Variants in AGAP1 observed in about 807,000 individuals in gnomAD.
AGAP1 encodes the protein arf-GAP with GTPase, ANK repeat and PH domain-containing protein 1.
A neutral mutation model predicts 105.3 loss-of-function variants in AGAP1; 29 were observed. That is an observed-to-expected ratio of 0.28 (90% confidence interval 0.21 to 0.38). The LOEUF is 0.38. Ranked by LOEUF, AGAP1 falls within the 10% of genes least tolerant of loss-of-function variation. AGAP1 has a pLI of 1.00. For synonymous variants in AGAP1, 509 were observed against 485.9 expected (o/e 1.05, Z -0.63); for missense variants, 998 against 1,165.1 (o/e 0.86, Z 2.09).
chr2:235,863,112 T>C (rs188326030), intron 9 of AGAP1, among the ~76,000 whole-genome samples: 52 of 152,354 alleles, frequency 3.4e-4, no homozygotes, highest in Non-Finnish European at 6.5e-4. Context: ...ATTCATCAAA[T>C]ACTTTTTGAA....
rs547107446 is a variant in AGAP1, at chr2:236,056,905, G to A, written c.2114+7624G>A. ...TTTCTGCCAAATCCACGTCAGTAGC[G>A]GCATTGGGAGAACCGCCATGTTTAG... On this transcript the variant is annotated intron_variant, in intron 16 of 17. Transcript: ENST00000304032. The surrounding 1 kb of genome is among the most constrained non-coding windows in gnomAD (Gnocchi z 4.6). Among the ~76,000 whole-genome samples, 48 of 152,250 alleles carry A rather than the reference G, an allele frequency of 3.2e-4. No individual in the cohort carries two copies. The highest frequency in any genetic ancestry group is 1.1e-3 in the Admixed American group (17 of 15,294).
chr2:236,111,950 C>T lies in AGAP1; in HGVS notation c.2115-8242C>T, dbSNP rs201471662. Among the ~76,000 whole-genome samples, 21 of 152,302 alleles carry T rather than the reference C, an allele frequency of 1.4e-4. No individual in the cohort carries two copies. In the East Asian group the frequency reaches 2.3e-3, roughly 17 times the overall value. ...ATTGGAGTCATCGGCAGTGTTGTCA[C>T]GCGACTGGTCTTGCTCAGGTGCATT... On this transcript the variant is annotated intron_variant, in intron 16 of 17. Transcript: ENST00000304032.
At chr2:235,803,844 A>T (rs1015938147) in intron 8 of AGAP1, among the ~76,000 whole-genome samples, 6 of 152,250 alleles carry the variant, frequency 3.9e-5, no homozygotes, top group Non-Finnish European at 8.8e-5. Flanking sequence ...ACACTGAGTT[A>T]TATTTTATTT....
At chr2:235,548,343 G>T (rs1943695244) in intron 1 of AGAP1, among the ~76,000 whole-genome samples, 1 of 152,100 alleles carries the variant, frequency 6.6e-6, no homozygotes, top group African/African-American at 2.4e-5. Context: ...ATTTCTTTCA[G>T]CACTCTCCAA....
chr2:235,570,681 G>T (rs930411964), intron 1 of AGAP1, among the ~76,000 whole-genome samples: 35 of 152,304 alleles, frequency 2.3e-4, no homozygotes, highest in South Asian at 6.2e-4. Context: ...GTTTCTCTGG[G>T]TGTCCCAAGA....
At position 235,549,742 on chromosome 2, in the gene AGAP1, G is replaced by A. The variant is rs185837226; in HGVS notation, c.163+54893G>A. On this transcript the variant is annotated intron_variant, in intron 1 of 17. Transcript: ENST00000304032. This position sits in a 1 kb window ranked among gnomAD's most constrained non-coding sequence, Gnocchi z 4.2. ...CATTTAAGAGTGCTCTTAGCAGTTC[G>A]CGTTCTATATAGAACTGTTTACACC... Among the ~76,000 whole-genome samples the A allele has an allele frequency of 1.3e-5, 2 of 152,126 alleles. No individual in the cohort carries two copies. The highest frequency in any genetic ancestry group is 4.8e-5 in the African/African-American group (2 of 41,420).
rs937055736 is a variant in AGAP1 at position 236,000,252 on chromosome 2, C to T, written c.1645+31629C>T. Among the ~76,000 whole-genome samples the T allele has an allele frequency of 2.0e-5, 3 of 152,110 alleles. No homozygotes were observed. Among genetic ancestry groups the T allele is most frequent in the African/African-American group, 4.8e-5 (2 of 41,420 alleles). On this transcript the variant is annotated intron_variant, in intron 13 of 17. Coordinates refer to ENST00000304032, the MANE Select transcript of AGAP1 (RefSeq NM_001037131.3). This position sits in a 1 kb window ranked among gnomAD's most constrained non-coding sequence, Gnocchi z 4.3. Reference sequence around the variant, plus strand: ...AGGTTCTTAAAACTTCGACTTGAAGCGAAAGGACTTATAATGAAGCCAGTT... The same window carrying T: ...AGGTTCTTAAAACTTCGACTTGAAGTGAAAGGACTTATAATGAAGCCAGTT...
chr2:235,801,818 C>T lies in AGAP1; in HGVS notation c.957+2296C>T, dbSNP rs112314583. Among the ~76,000 whole-genome samples the T allele has an allele frequency of 1.2e-4, 18 of 152,226 alleles. No individual in the cohort carries two copies. The highest frequency in any genetic ancestry group is 2.4e-4 in the African/African-American group (10 of 41,532). On this transcript the variant is annotated intron_variant, in intron 8 of 17. Transcript: ENST00000304032. The surrounding 1 kb of genome is among the most constrained non-coding windows in gnomAD (Gnocchi z 6.0). ...AAGGGGGAGAGCACTCATTCTCAGACGCCTTCTGAGGGCCACATTTTCTGC... is the reference window on the plus strand; with the variant it reads ...AAGGGGGAGAGCACTCATTCTCAGATGCCTTCTGAGGGCCACATTTTCTGC...
chr2:236,124,312 C>T lies in AGAP1; in HGVS notation c.*190C>T, dbSNP rs1315121441. The T allele has an allele frequency of 2.2e-5, 15 of 670,464 alleles. No individual in the cohort carries two copies. Among genetic ancestry groups the T allele is most frequent in the East Asian group, 2.0e-4 (7 of 35,662 alleles). 41.5% of individuals were successfully genotyped at this position (670,464 alleles called of 1,614,324 possible). On this transcript the variant is annotated 3_prime_UTR_variant, in exon 18 of 18. Transcript: ENST00000304032. This position sits in a 1 kb window ranked among gnomAD's most constrained non-coding sequence, Gnocchi z 5.1. ...GGACATCCCTCAAGGGGCGAAGAGG[C>T]GGCCGGGAGACTGCAGAAGTGGCTC...
rs1335497624 is a variant in AGAP1 at position 236,005,135 on chromosome 2, G to GTA, written c.1646-31425_1646-31424insAT. On this transcript the variant is annotated intron_variant, in intron 13 of 17. Coordinates refer to ENST00000304032, the MANE Select transcript of AGAP1 (RefSeq NM_001037131.3). The surrounding 1 kb of genome is among the most constrained non-coding windows in gnomAD (Gnocchi z 4.1). ...AGTTTCCCATGTTTTTTGTGTGTGT[G>GTA]TGTGTTTTGGTTTTTGTTTGTTTGT... is the stretch of plus-strand genomic sequence containing the variant. Among the ~76,000 whole-genome samples the GTA allele has an allele frequency of 6.6e-6, 1 of 151,772 alleles. No individual in the cohort carries two copies. Among genetic ancestry groups the GTA allele is most frequent in the Non-Finnish European group, 1.5e-5 (1 of 67,922 alleles).
chr2:235,650,304 A>G lies in AGAP1; in HGVS notation c.164-58875A>G, dbSNP rs147900396. On this transcript the variant is annotated intron_variant, in intron 1 of 17. Transcript: ENST00000304032. The stretch of plus-strand genomic sequence containing the variant: ...TTGAACTCGGGAGGTGGAGGTTGCA[A>G]TGAGCCGAGATTGTGCCACTGCACT... 5.0e-4 allele frequency among the ~76,000 whole-genome samples: 76 copies of G among 152,262 alleles called. 1 individual carries two copies. The East Asian group carries it at 0.012, about 24-fold the overall frequency.
rs1415700969 is a variant in AGAP1 at position 236,062,346 on chromosome 2, C to T, written c.2114+13065C>T. On this transcript the variant is annotated intron_variant, in intron 16 of 17. Transcript: ENST00000304032. This position sits in a 1 kb window ranked among gnomAD's most constrained non-coding sequence, Gnocchi z 4.2. Reference sequence around the variant, plus strand: ...GGGCCAGAACCCACCCCAGATCTGACCTCCCTAGAGGAAGCCATGGCCAGA... The same window carrying T: ...GGGCCAGAACCCACCCCAGATCTGATCTCCCTAGAGGAAGCCATGGCCAGA... 6.6e-6 allele frequency among the ~76,000 whole-genome samples: 1 copy of T among 152,076 alleles called. No homozygotes were observed. Among genetic ancestry groups the T allele is most frequent in the Admixed American group, 6.5e-5 (1 of 15,268 alleles).
At position 236,128,085 on chromosome 2, in the gene AGAP1, C is replaced by CG. The variant is rs1016582495; in HGVS notation, c.*3963_*3964insG. On this transcript the variant is annotated 3_prime_UTR_variant, in exon 18 of 18. Transcript: ENST00000304032. The surrounding 1 kb of genome is among the most constrained non-coding windows in gnomAD (Gnocchi z 5.9). ...TGGGCACGTTTGCCAACCCCCCCCC[C>CG]CCAGTAGAGCCCAGGACCCTCCTCT... The CG allele has an allele frequency of 6.6e-6, 1 of 151,670 alleles. No individual in the cohort carries two copies. Among genetic ancestry groups the CG allele is most frequent in the African/African-American group, 2.4e-5 (1 of 41,328 alleles). 9.4% of individuals were successfully genotyped at this position (151,670 alleles called of 1,614,324 possible).
intron 13 of AGAP1, among the ~76,000 whole-genome samples, chr2:235,985,357 T>G (rs2055269267): frequency 6.6e-6 from 1 of 152,252 alleles, no homozygotes; most frequent in Non-Finnish European, 1.5e-5. Flanking sequence ...TAGCCCTTTG[T>G]CAGATGGATA....
At chr2:235,672,939 G>A (rs1948513376) in intron 1 of AGAP1, among the ~76,000 whole-genome samples, 1 of 152,162 alleles carries the variant, frequency 6.6e-6, no homozygotes, top group Non-Finnish European at 1.5e-5. Context: ...CCTTCTCTGG[G>A]CGGAATTACT....
intron 13 of AGAP1, among the ~76,000 whole-genome samples, chr2:236,029,622 T>A (rs958538771): frequency 1.3e-5 from 2 of 152,170 alleles, no homozygotes; most frequent in Non-Finnish European, 2.9e-5. Context: ...CTAGTGGACG[T>A]CTATTGGTAA....
rs140363093 is a variant in AGAP1 at position 235,917,613 on chromosome 2, G to C, written c.1324+8707G>C. Among the ~76,000 whole-genome samples the C allele has an allele frequency of 9.9e-5, 15 of 152,212 alleles. No homozygotes were observed. In the East Asian group the frequency reaches 2.9e-3, roughly 29 times the overall value. On this transcript the variant is annotated intron_variant, in intron 11 of 17. Coordinates refer to ENST00000304032, the MANE Select transcript of AGAP1 (RefSeq NM_001037131.3). ...AGAGCTTGATTAACGTGGTGCACTTGGGGGAGAGATGAGAGGCTTCACGTG... is the reference window on the plus strand; with the variant it reads ...AGAGCTTGATTAACGTGGTGCACTTCGGGGAGAGATGAGAGGCTTCACGTG...
At chr2:235,541,624 C>T (rs770432648) in intron 1 of AGAP1, among the ~76,000 whole-genome samples, 13 of 151,882 alleles carry the variant, frequency 8.6e-5, no homozygotes, top group African/African-American at 2.9e-4. Context: ...CTCCTGACCT[C>T]GTGATCTGCC....
intron 1 of AGAP1, among the ~76,000 whole-genome samples, chr2:235,532,574 A>G (rs1943080255): frequency 1.3e-5 from 2 of 152,190 alleles, no homozygotes; most frequent in African/African-American, 4.8e-5. Context: ...TTTCTCCTAC[A>G]GTGACATTTT....
Sources: allele counts gnomAD v4.1 joint callset (sites outside exome capture counted in the v4.1 genomes callset), GRCh38; gene constraint gnomAD v4.1.1; non-coding constraint Gnocchi (gnomAD v3.1); transcripts MANE v1.5; gene names NCBI Gene and HGNC (gene_info 2026-07-23, HGNC 2026-07-21).